PTPRN2: variants seen among roughly 807,000 people sequenced by gnomAD.
PTPRN2 encodes receptor-type tyrosine-protein phosphatase N2.
PTPRN2 carries 74 observed loss-of-function variants against 118.8 expected under a neutral mutation model. The observed-to-expected ratio is 0.62, with a 90% CI of 0.52 to 0.76. The LOEUF is 0.76. Ranked by LOEUF, PTPRN2 falls within the 30% of genes least tolerant of loss-of-function variation. PTPRN2 has a pLI of 0.00. For synonymous variants in PTPRN2, 641 were observed against 608.0 expected, an observed-to-expected ratio of 1.05 and a Z score of -0.80; for missense variants, 1,481 against 1,394.4, an observed-to-expected ratio of 1.06 and a Z score of -0.99.
Position 157,644,322 on chromosome 7 carries a change from C to T in PTPRN2, c.2196+12035G>A, listed in dbSNP as rs140743259. Among the ~76,000 whole-genome samples, 732 of 152,332 alleles carry T rather than the reference C, an allele frequency of 4.8e-3. 6 individuals carry two copies. The highest frequency in any genetic ancestry group is 8.5e-3 in the Non-Finnish European group (578 of 68,026). Reference sequence around the variant, plus strand: ...AGACCTCAGGAGGAACAAGCCCTGCCTGCATTGTAGACTTCTGGCCTCCGA... The same window carrying T: ...AGACCTCAGGAGGAACAAGCCCTGCTTGCATTGTAGACTTCTGGCCTCCGA... On this transcript the variant is annotated intron_variant, in intron 14 of 22. Transcript: ENST00000389418.
intron 10 of PTPRN2, among the ~76,000 whole-genome samples, chr7:158,083,965 A>G (rs1813048273): frequency 3.9e-5 from 1 of 25,846 alleles, no homozygotes; most frequent in African/African-American, 7.2e-5. Context: ...AGAAGTCTCT[A>G]TCCCGAGGCC....
At chr7:158,226,667 G>A (rs930803324) in intron 3 of PTPRN2, among the ~76,000 whole-genome samples, 7 of 132,840 alleles carry the variant, frequency 5.3e-5, no homozygotes, top group East Asian at 2.3e-4. Flanking sequence ...CGAAGACAGC[G>A]CTTCCCTTTT....
intron 11 of PTPRN2, among the ~76,000 whole-genome samples, chr7:157,915,137 T>A (rs568956585): frequency 6.6e-5 from 10 of 152,366 alleles, no homozygotes; most frequent in African/African-American, 2.4e-4. Context: ...TTTCTTTTGT[T>A]GTCCATTCTT....
chr7:158,298,590 T>C (rs1468940018), intron 3 of PTPRN2, among the ~76,000 whole-genome samples: 1 of 152,180 alleles, frequency 6.6e-6, no homozygotes, highest in South Asian at 2.1e-4. Flanking sequence ...AAGAAAAGAA[T>C]GAAGAGCTTG....
chr7:158,341,129 C>T (rs867068692), intron 2 of PTPRN2, among the ~76,000 whole-genome samples: 1,171 of 107,158 alleles, frequency 0.011, 3 homozygotes, highest in African/African-American at 0.04. Flanking sequence ...ACGTCACTCA[C>T]ACCCACAGTC....
At chr7:158,025,919 C>T (rs1267141786) in intron 11 of PTPRN2, among the ~76,000 whole-genome samples, 3 of 152,180 alleles carry the variant, frequency 2.0e-5, no homozygotes, top group African/African-American at 7.2e-5. Flanking sequence ...CTTATTTTTG[C>T]TTTCAATTCC....
At chr7:158,434,231 T>C (rs1422278759) in intron 2 of PTPRN2, among the ~76,000 whole-genome samples, 1 of 152,198 alleles carries the variant, frequency 6.6e-6, no homozygotes, top group Non-Finnish European at 1.5e-5. Flanking sequence ...TCAGACCTGC[T>C]TCAGCATGTC....
rs187177068 is a variant in PTPRN2 at position 158,544,893 on chromosome 7, T to G, written c.112+42665A>C. ...TAACACTTACACCTGCCCACACTGG[T>G]GCTCACACTCACGTGATCACACCCA... On this transcript the variant is annotated intron_variant, in intron 1 of 22. Transcript: ENST00000389418. This position sits in a 1 kb window ranked among gnomAD's most constrained non-coding sequence, Gnocchi z 4.2. Among the ~76,000 whole-genome samples the G allele has an allele frequency of 3.9e-5, 6 of 152,272 alleles. No homozygotes were observed. The East Asian group carries it at 1.2e-3, about 30-fold the overall frequency.
chr7:157,926,668 T>G (rs1056252696), intron 11 of PTPRN2, among the ~76,000 whole-genome samples: 1 of 152,094 alleles, frequency 6.6e-6, no homozygotes, highest in Non-Finnish European at 1.5e-5. Flanking sequence ...CTCTAAACAC[T>G]CTGTAGCTGC....
intron 12 of PTPRN2, among the ~76,000 whole-genome samples, chr7:157,715,573 C>A (rs567203085): frequency 6.6e-6 from 1 of 152,204 alleles, no homozygotes; most frequent in Non-Finnish European, 1.5e-5. Flanking sequence ...CCAGGCACTG[C>A]GCTGGTGTAA....
chr7:158,327,315 A>G (rs1156417056), intron 2 of PTPRN2, among the ~76,000 whole-genome samples: 2 of 149,384 alleles, frequency 1.3e-5, no homozygotes, highest in Non-Finnish European at 3.0e-5. Flanking sequence ...ACACATACAC[A>G]TTCTCACATG....
rs144101128 is a variant in PTPRN2, at chr7:158,223,893, C to T, written c.278-18620G>A. On this transcript the variant is annotated intron_variant, in intron 3 of 22. Transcript: ENST00000389418. ...TTAAACTGTACCTATGTCCTATTTCCTGATTATCTACACAGAAAGCCCCAA... is the reference window on the plus strand; with the variant it reads ...TTAAACTGTACCTATGTCCTATTTCTTGATTATCTACACAGAAAGCCCCAA... 5.3e-5 allele frequency among the ~76,000 whole-genome samples: 8 copies of T among 152,046 alleles called. No homozygotes were observed. The East Asian group carries it at 1.5e-3, about 29-fold the overall frequency.
chr7:158,341,325 T>C (rs1806723402), intron 2 of PTPRN2, among the ~76,000 whole-genome samples: 1 of 142,838 alleles, frequency 7.0e-6, no homozygotes, highest in Non-Finnish European at 1.5e-5. Flanking sequence ...CCCACACACG[T>C]CACTCACACC....
Position 157,787,997 on chromosome 7 carries a change from G to A in PTPRN2, c.1789-105060C>T, listed in dbSNP as rs528500397. 1.2e-4 allele frequency among the ~76,000 whole-genome samples: 18 copies of A among 152,330 alleles called. No individual in the cohort carries two copies. In the East Asian group the frequency reaches 3.1e-3, roughly 26 times the overall value. ...ACCACGCAGCCGGGGCCTGGAGGCC[G>A]ACACAAGCCAGACCCAGCCTCTCTG... On this transcript the variant is annotated intron_variant, in intron 12 of 22. Transcript: ENST00000389418. The surrounding 1 kb of genome is among the most constrained non-coding windows in gnomAD (Gnocchi z 5.3).
intron 11 of PTPRN2, among the ~76,000 whole-genome samples, chr7:157,916,537 G>T (rs1214869673): frequency 1.3e-5 from 2 of 152,226 alleles, no homozygotes; most frequent in Non-Finnish European, 2.9e-5. Flanking sequence ...GTGAGTTCGA[G>T]AAGCACCAAG....
chr7:157,568,422 C>T lies in PTPRN2; in HGVS notation c.2902+480G>A, dbSNP rs192897408. Reference sequence around the variant, plus strand: ...GGCTCATTTGAGAGGGGGTGATTGACATTTGATGGCAATTACTAACGGATA... The same window carrying T: ...GGCTCATTTGAGAGGGGGTGATTGATATTTGATGGCAATTACTAACGGATA... On this transcript the variant is annotated intron_variant, in intron 21 of 22. Coordinates refer to ENST00000389418, the MANE Select transcript of PTPRN2 (RefSeq NM_002847.5). 2.4e-4 allele frequency among the ~76,000 whole-genome samples: 37 copies of T among 152,340 alleles called. No individual in the cohort carries two copies. The East Asian group carries it at 5.8e-3, about 24-fold the overall frequency.
chr7:157,948,703 C>T (rs2128798769), intron 11 of PTPRN2, among the ~76,000 whole-genome samples: 1 of 152,266 alleles, frequency 6.6e-6, no homozygotes, highest in African/African-American at 2.4e-5. Context: ...GTTGAATATC[C>T]CTAATCCAAA....
At chr7:157,914,567 C>A (rs1798289289) in intron 11 of PTPRN2, among the ~76,000 whole-genome samples, 1 of 150,946 alleles carries the variant, frequency 6.6e-6, no homozygotes, top group South Asian at 2.1e-4. Context: ...CCGGCAATGG[C>A]TTTCCCAATA....
At chr7:158,524,997 C>T (rs549462222) in intron 1 of PTPRN2, among the ~76,000 whole-genome samples, 1 of 152,314 alleles carries the variant, frequency 6.6e-6, no homozygotes, top group East Asian at 1.9e-4. Context: ...CATCACTGCC[C>T]TTCGAAGTGT....
Sources: gnomAD v4.1 joint callset for allele counts (sites outside exome capture counted in the v4.1 genomes callset) on GRCh38, gnomAD v4.1.1 for gene constraint, Gnocchi (gnomAD v3.1) non-coding constraint, MANE v1.5 for transcripts, NCBI Gene and HGNC (gene_info 2026-07-23, HGNC 2026-07-21) for gene names.